MDGA2: variants seen among roughly 807,000 people sequenced by gnomAD.
MDGA2 encodes MAM domain-containing glycosylphosphatidylinositol anchor protein 2.
MDGA2 carries 40 observed loss-of-function variants against 117.8 expected under a neutral mutation model. That is an observed-to-expected ratio of 0.34 (90% CI 0.26 to 0.44). MDGA2 has a LOEUF of 0.44. Ranked by LOEUF, MDGA2 falls within the 20% of genes least tolerant of loss-of-function variation. The probability of loss-of-function intolerance (pLI) is 1.00; values close to 1 mark genes in which losing one functional copy is unlikely to be tolerated. For synonymous variants in MDGA2, 452 were observed against 439.0 expected, an observed-to-expected ratio of 1.03 and a Z score of -0.37; for missense variants, 1,123 against 1,250.6, an observed-to-expected ratio of 0.90 and a Z score of 1.54.
At chr14:47,641,192 A>T (rs1178727982) in intron 1 of MDGA2, among the ~76,000 whole-genome samples, 1 of 152,124 alleles carries the variant, frequency 6.6e-6, no homozygotes, top group Non-Finnish European at 1.5e-5. Flanking sequence ...ACTTGAAGTG[A>T]AGCCAAGAAG....
chr14:47,148,591 T>G (rs1883039929), intron 3 of MDGA2, among the ~76,000 whole-genome samples: 1 of 152,206 alleles, frequency 6.6e-6, no homozygotes, highest in Non-Finnish European at 1.5e-5. Flanking sequence ...ATCTGGATCC[T>G]GTGTATGACA....
intron 10 of MDGA2, among the ~76,000 whole-genome samples, chr14:46,914,400 A>G (rs931654428): frequency 2.9e-4 from 44 of 152,210 alleles, no homozygotes; most frequent in African/African-American, 1.0e-3. Flanking sequence ...ATTATATATT[A>G]GTTCTCTTTT....
chr14:47,488,660 T>A (rs1894107740), intron 1 of MDGA2, among the ~76,000 whole-genome samples: 1 of 152,126 alleles, frequency 6.6e-6, no homozygotes, highest in African/African-American at 2.4e-5. Flanking sequence ...CATTATTGAT[T>A]GTTTATTAGA....
chr14:47,375,661 C>G (rs1246885429), intron 1 of MDGA2, among the ~76,000 whole-genome samples: 1 of 152,060 alleles, frequency 6.6e-6, no homozygotes, highest in Non-Finnish European at 1.5e-5. Flanking sequence ...CTATCCAGAT[C>G]TCAATTTTTA....
intron 2 of MDGA2, among the ~76,000 whole-genome samples, chr14:47,282,523 A>AACACAC (rs59651044): frequency 5.8e-4 from 86 of 149,490 alleles, no homozygotes; most frequent in Admixed American, 8.7e-4. Context: ...ATTAAAAATA[A>AACACAC]ACACACACAC....
chr14:47,079,233 T>C (rs61992854), intron 6 of MDGA2, among the ~76,000 whole-genome samples: 56,703 of 152,060 alleles, frequency 0.37, 10,688 homozygotes, highest in Middle Eastern at 0.49. Context: ...ATTTATTATG[T>C]GGATAATTTC....
At chr14:47,471,681 A>C (rs1358723061) in intron 1 of MDGA2, among the ~76,000 whole-genome samples, 2 of 152,090 alleles carry the variant, frequency 1.3e-5, no homozygotes, top group Non-Finnish European at 2.9e-5. Flanking sequence ...CTAAATTTCA[A>C]CATTGCCTCA....
chr14:46,895,778 A>G (rs1883053704), intron 10 of MDGA2, among the ~76,000 whole-genome samples: 1 of 151,950 alleles, frequency 6.6e-6, no homozygotes, highest in African/African-American at 2.4e-5. Context: ...AACCTACAGG[A>G]TATTTTACTA....
At chr14:47,384,124 T>C (rs1257327093) in intron 1 of MDGA2, among the ~76,000 whole-genome samples, 3 of 151,990 alleles carry the variant, frequency 2.0e-5, no homozygotes, top group African/African-American at 7.2e-5. Flanking sequence ...ATGAAAAATA[T>C]ATCCAGAGGC....
chr14:47,431,515 T>G (rs570161109), intron 1 of MDGA2, among the ~76,000 whole-genome samples: 5 of 152,054 alleles, frequency 3.3e-5, no homozygotes, highest in African/African-American at 1.2e-4. Flanking sequence ...TATTACGCCT[T>G]TGGTATTGTT....
chr14:47,609,216 A>T (rs1454095184), intron 1 of MDGA2, among the ~76,000 whole-genome samples: 2 of 149,904 alleles, frequency 1.3e-5, no homozygotes, highest in East Asian at 4.0e-4. Context: ...CCTCCCTCCT[A>T]CTCGTCTTCT....
chr14:47,121,006 A>G (rs1566636518), intron 5 of MDGA2, among the ~76,000 whole-genome samples: 1 of 152,172 alleles, frequency 6.6e-6, no homozygotes, highest in African/African-American at 2.4e-5. Context: ...CATCAGAAAA[A>G]TGTTTTGAAA....
intron 1 of MDGA2, among the ~76,000 whole-genome samples, chr14:47,376,687 C>A (rs948123090): frequency 3.9e-5 from 6 of 152,154 alleles, no homozygotes; most frequent in African/African-American, 1.4e-4. Flanking sequence ...TAAAAACTGA[C>A]ATACAACCTC....
At chr14:47,416,928 C>A (rs935423817) in intron 1 of MDGA2, among the ~76,000 whole-genome samples, 16 of 152,130 alleles carry the variant, frequency 1.1e-4, no homozygotes, top group African/African-American at 3.9e-4. Context: ...CTGAAATGTC[C>A]TTTGGAGGTC....
At chr14:47,598,222 A>G (rs66646105) in intron 1 of MDGA2, among the ~76,000 whole-genome samples, 61,450 of 152,058 alleles carry the variant, frequency 0.4, 14,796 homozygotes, top group East Asian at 0.7. Flanking sequence ...TGTATTGTTG[A>G]TGAAAACATA....
At position 46,874,173 on chromosome 14, in the gene MDGA2, C is replaced by T; in HGVS notation, c.2465G>A (p.Gly822Asp). ...ATCTTGAGTGAACAAACAAATATTA[C>T]CATCTTCAAATCCACAATGAAATTC... ...LREFHCGFED[G>D]NICLFTQDDT... Residue 822 changes from glycine (G) to aspartate (D), a missense_variant, in exon 13 of 17, where the codon GGT becomes GAT. By Grantham distance (94) the Gly-to-Asp change is moderately conservative. This residue lies in a region of MDGA2 where 890 missense variants were observed against 1,050.3 expected (regional missense o/e 0.85). Coordinates refer to ENST00000399232, the MANE Select transcript of MDGA2 (RefSeq NM_001113498.3). The T allele has an allele frequency of 2.7e-6, 4 of 1,457,130 alleles. No individual in the cohort carries two copies. The highest frequency in any genetic ancestry group is 3.6e-6 in the Non-Finnish European group (4 of 1,101,244). 90.3% of individuals were successfully genotyped at this position (1,457,130 alleles called of 1,614,324 possible).
intron 1 of MDGA2, among the ~76,000 whole-genome samples, chr14:47,649,828 T>C (rs1897605808): frequency 6.6e-6 from 1 of 152,248 alleles, no homozygotes; most frequent in Admixed American, 6.5e-5. Context: ...GGGATGGTGA[T>C]AATTGAGGCA....
chr14:47,120,800 A>G (rs1305383106), intron 5 of MDGA2, among the ~76,000 whole-genome samples: 2 of 152,132 alleles, frequency 1.3e-5, no homozygotes, highest in Non-Finnish European at 2.9e-5. Flanking sequence ...ATAACAATGG[A>G]CTGGATACAC....
intron 1 of MDGA2, among the ~76,000 whole-genome samples, chr14:47,436,328 T>A (rs9323139): frequency 0.65 from 98,418 of 151,952 alleles, 32,063 homozygotes; most frequent in Middle Eastern, 0.74. Context: ...TTTCAAGTTA[T>A]GTTATACAGA....
Sources: gnomAD v4.1 joint callset for allele counts (sites outside exome capture counted in the v4.1 genomes callset) on GRCh38, gnomAD v4.1.1 for gene constraint, gnomAD v4.1.1 regional missense constraint, MANE v1.5 for transcripts, NCBI Gene and HGNC (gene_info 2026-07-23, HGNC 2026-07-21) for gene names.